The following NRL variants were observed in gnomAD, a reference collection of about 807,000 sequenced individuals.
NRL encodes the protein neural retina leucine zipper, also known as neural retina-specific leucine zipper protein.
NRL carries 16 observed loss-of-function variants against 12.5 expected under a neutral mutation model. That is an observed-to-expected ratio of 1.28 (90% CI 0.87 to 1.95). NRL has a LOEUF of 1.95. NRL is among the 30% of genes most tolerant of loss of function. The probability of loss-of-function intolerance (pLI) is 0.00; values close to 1 mark genes in which losing one functional copy is unlikely to be tolerated. For synonymous variants in NRL, 142 were observed against 150.9 expected (o/e 0.94, Z 0.43); for missense variants, 314 against 325.8 (o/e 0.96, Z 0.28).
At chr14:24,091,119 C>CTGTGTGTGTGTGTG in intron 1 of NRL, among the ~76,000 whole-genome samples, 2 of 138,732 alleles carry the variant, frequency 1.4e-5, no homozygotes, top group East Asian at 2.1e-4. Context: ...CAGAAAAGGC[C>CTGTGTGTGTGTGTG]TGTGTGTGTG....
rs1484466445 is a variant in NRL, at chr14:24,103,876, G to A, written c.-28+10846C>T. 1 of 1,614,156 alleles carries A rather than the reference G, an allele frequency of 6.2e-7. No homozygotes were observed. The highest frequency in any genetic ancestry group is 8.5e-7 in the Non-Finnish European group (1 of 1,180,020). On this transcript the variant is annotated intron_variant, in intron 1 of 2. Coordinates refer to ENST00000561028, the MANE Select transcript of NRL (RefSeq NM_001354768.3). ...GAACAGGAGGTTCGTGACATTCGGA[G>A]CTACCTGACAGAGCAGGTCAACCAG...
At chr14:24,111,689 G>C (rs1345741978) in intron 1 of NRL, among the ~76,000 whole-genome samples, 3 of 152,076 alleles carry the variant, frequency 2.0e-5, no homozygotes, top group Non-Finnish European at 4.4e-5. Flanking sequence ...AAATGATTCC[G>C]TCCTGAGACT....
Position 24,085,267 on chromosome 14 carries a change from A to G in NRL, c.-27-2392T>C, listed in dbSNP as rs187756590. Among the ~76,000 whole-genome samples the G allele has an allele frequency of 1.3e-5, 2 of 152,336 alleles. No homozygotes were observed. Among genetic ancestry groups the G allele is most frequent in the East Asian group, 3.9e-4 (2 of 5,182 alleles). On this transcript the variant is annotated intron_variant, in intron 1 of 2. Transcript: ENST00000561028. The surrounding 1 kb of genome is among the most constrained non-coding windows in gnomAD (Gnocchi z 4.1). ...GGGAGAAAGAGTAGGAAAAAAGAGAACAGGGAACTCTGTTCCTTCCTTCTG... is the reference window on the plus strand; with the variant it reads ...GGGAGAAAGAGTAGGAAAAAAGAGAGCAGGGAACTCTGTTCCTTCCTTCTG...
At chr14:24,100,194 G>A (rs1225674763) in intron 1 of NRL, 9 of 1,614,034 alleles carry the variant, frequency 5.6e-6, no homozygotes, top group Non-Finnish European at 7.6e-6. Flanking sequence ...CCTCCTGGCT[G>A]GGCAAACCCT....
intron 1 of NRL, among the ~76,000 whole-genome samples, chr14:24,092,758 CTG>C (rs2036674454): frequency 6.6e-6 from 1 of 152,240 alleles, no homozygotes; most frequent in Non-Finnish European, 1.5e-5. Context: ...AGAATCAAGA[CTG>C]TTTCTGTTGC....
intron 1 of NRL, chr14:24,098,709 C>G (rs2037015113): frequency 1.3e-6 from 2 of 1,576,462 alleles, no homozygotes; most frequent in Non-Finnish European, 1.7e-6. Context: ...AAGGGGAACA[C>G]AGAGGCCTTC....
chr14:24,107,050 G>A (rs951783871), intron 1 of NRL, among the ~76,000 whole-genome samples: 2 of 152,148 alleles, frequency 1.3e-5, no homozygotes, highest in East Asian at 3.8e-4. Context: ...AGTAGGCCCT[G>A]TAAGCGTATA....
chr14:24,098,362 T>A, intron 1 of NRL: 1 of 1,612,872 alleles, frequency 6.2e-7, no homozygotes. Flanking sequence ...GAGCTGTGGA[T>A]GAGAGGTTTC....
rs1260608890 is a variant in NRL at position 24,103,975 on chromosome 14, T to C, written c.-28+10747A>G. 1.9e-6 allele frequency: 3 copies of C among 1,604,008 alleles called. No individual in the cohort carries two copies. In the African/African-American group the frequency reaches 4.0e-5, roughly 21 times the overall value. The stretch of plus-strand genomic sequence containing the variant: ...GTGCACAAAATGTGACCTGAGGCCC[T>C]AGTCTAGCAAGAGGACATAGCACCC... On this transcript the variant is annotated intron_variant, in intron 1 of 2. Coordinates refer to ENST00000561028, the MANE Select transcript of NRL (RefSeq NM_001354768.3).
chr14:24,081,407 C>T lies in NRL; in HGVS notation c.543G>A (p.Leu181=). 6.7e-7 allele frequency: 1 copy of T among 1,500,708 alleles called. No individual in the cohort carries two copies. The highest frequency in any genetic ancestry group is 2.8e-5 in the East Asian group (1 of 35,490). 93.0% of individuals were successfully genotyped at this position (1,500,708 alleles called of 1,614,324 possible). A position where few individuals can be genotyped will look rare whatever the true frequency, so the allele number is the denominator to read the frequency against. The stretch of plus-strand genomic sequence containing the variant: ...CGGCCTCCAGCCCGCGCCGCTGCTG[C>T]AGCCGCTTGGAGCGACAGGCCTGCG... ...GYAQACRSKR[L]QQRRGLEAER... Residue 181 remains leucine (L), a synonymous_variant, in exon 3 of 3, where the codon CTG becomes CTA. Transcript: ENST00000561028. The surrounding 1 kb of genome is among the most constrained non-coding windows in gnomAD (Gnocchi z 4.4).
intron 1 of NRL, among the ~76,000 whole-genome samples, chr14:24,106,346 T>C (rs535008027): frequency 3.9e-5 from 6 of 152,296 alleles, no homozygotes; most frequent in African/African-American, 1.4e-4. Flanking sequence ...AGTGTTCTCA[T>C]AGGAAATGCC....
At chr14:24,101,498 G>A (rs2037160168) in intron 1 of NRL, among the ~76,000 whole-genome samples, 1 of 152,206 alleles carries the variant, frequency 6.6e-6, no homozygotes, top group African/African-American at 2.4e-5. Context: ...GACACCTGAA[G>A]GTGCCAAGTG....
intron 1 of NRL, chr14:24,095,373 AC>A: frequency 2.6e-6 from 1 of 391,902 alleles, no homozygotes; most frequent in Non-Finnish European, 5.2e-6. Context: ...GCAGGAACAG[AC>A]CCAGGTCCCA....
At chr14:24,100,147 G>A (rs377452848) in intron 1 of NRL, 9 of 1,613,878 alleles carry the variant, frequency 5.6e-6, no homozygotes, top group African/African-American at 5.3e-5. Context: ...GTACTGGGAG[G>A]GCATTGACCA....
rs1235625109 is a variant in NRL at position 24,094,742 on chromosome 14, C to T, written c.-27-11867G>A. 13 of 1,474,486 alleles carry T rather than the reference C, an allele frequency of 8.8e-6. No individual in the cohort carries two copies. Among genetic ancestry groups the T allele is most frequent in the South Asian group, 2.4e-5 (2 of 82,636 alleles). The allele number at this position is 1,474,486 out of a possible 1,614,324, so 91.3% of individuals were successfully genotyped here. On this transcript the variant is annotated intron_variant, in intron 1 of 2. Coordinates refer to ENST00000561028, the MANE Select transcript of NRL (RefSeq NM_001354768.3). This position sits in a 1 kb window ranked among gnomAD's most constrained non-coding sequence, Gnocchi z 4.1. ...GCTCCTCTCTGCTGAGCCAGGTCTC[C>T]GCATATCCTCCTTTCCTTCCCAGAT...
At chr14:24,082,272 C>A (rs907870039) in intron 2 of NRL, among the ~76,000 whole-genome samples, 196 bp downstream of exon 2, 2 of 152,198 alleles carry the variant, frequency 1.3e-5, no homozygotes, top group African/African-American at 4.8e-5. Context: ...CTACTCATTT[C>A]TCTCCATTTT....
At chr14:24,102,904 GA>G (rs759298772) in intron 1 of NRL, 2 of 1,611,128 alleles carry the variant, frequency 1.2e-6, no homozygotes. Flanking sequence ...AACAACATAT[GA>G]GCTCCATGTT....
At chr14:24,098,647 G>A in intron 1 of NRL, 1 of 1,613,906 alleles carries the variant, frequency 6.2e-7, no homozygotes. Context: ...TCAAGTGTCT[G>A]CACTCCGTGG....
chr14:24,110,320 G>A, intron 1 of NRL: 1 of 400,930 alleles, frequency 2.5e-6, no homozygotes, highest in Non-Finnish European at 5.1e-6. Flanking sequence ...CATTGCCCAG[G>A]CTGATCTCAA....
Sources: allele counts gnomAD v4.1 joint callset (sites outside exome capture counted in the v4.1 genomes callset), GRCh38; gene constraint gnomAD v4.1.1; non-coding constraint Gnocchi (gnomAD v3.1); transcripts MANE v1.5; gene names NCBI Gene and HGNC (gene_info 2026-07-23, HGNC 2026-07-21).